NCSTN: variants seen among roughly 807,000 people sequenced by gnomAD.
The protein encoded by NCSTN is nicastrin, also known as anterior pharynx-defective 2.
NCSTN carries 22 observed loss-of-function variants against 87.0 expected under a neutral mutation model. That is an observed-to-expected ratio of 0.25 (90% CI 0.18 to 0.36). NCSTN has a LOEUF of 0.36. Ranked by LOEUF, NCSTN falls within the 10% of genes least tolerant of loss-of-function variation. NCSTN has a pLI of 1.00. For missense variants in NCSTN, 693 were observed against 883.3 expected (o/e 0.78, Z 2.73); for synonymous variants, 306 against 327.1 (o/e 0.94, Z 0.69).
At chr1:160,344,862 T>C (rs1374734088) in intron 2 of NCSTN, 36 bp downstream of exon 2, 1 of 1,536,258 alleles carries the variant, frequency 6.5e-7, no homozygotes, top group African/African-American at 1.4e-5. Context: ...TGGACATTGA[T>C]ATTTGTCTGT....
intron 1 of NCSTN, 159 bp downstream of exon 1, chr1:160,343,640 T>TTGCC: frequency 1.3e-6 from 1 of 788,040 alleles, no homozygotes; most frequent in South Asian, 1.5e-5. Flanking sequence ...AGTTCCCCCT[T>TTGCC]TGCCTGGACC....
chr1:160,351,972 A>G (rs1648874133), intron 7 of NCSTN, 82 bp from the exon 8 acceptor site: 14 of 1,560,524 alleles, frequency 9.0e-6, no homozygotes, highest in Admixed American at 3.3e-5. Flanking sequence ...GGACAGGTAT[A>G]TTCTCTTGAC....
intron 2 of NCSTN, among the ~76,000 whole-genome samples, chr1:160,347,223 TCTTA>T (rs1341909181): frequency 1.3e-5 from 2 of 152,332 alleles, no homozygotes; most frequent in African/African-American, 2.4e-5. Flanking sequence ...TATTTCCAAA[TCTTA>T]CTTCGTCATA....
intron 8 of NCSTN, among the ~76,000 whole-genome samples, chr1:160,352,467 C>T (rs754179622): frequency 2.6e-5 from 4 of 152,154 alleles, no homozygotes; most frequent in South Asian, 2.1e-4. Context: ...ATATTGGAGG[C>T]GGCCTTTTAC....
intron 1 of NCSTN, chr1:160,344,480 A>G: frequency 6.6e-7 from 1 of 1,521,728 alleles, no homozygotes; most frequent in East Asian, 2.5e-5. Flanking sequence ...TTTTAGTGTC[A>G]CTGTCAATGG....
At chr1:160,344,203 A>G (rs991764486) in intron 1 of NCSTN, among the ~76,000 whole-genome samples, 4 of 152,100 alleles carry the variant, frequency 2.6e-5, no homozygotes, top group African/African-American at 7.2e-5. Flanking sequence ...AGGATCCTCA[A>G]AGGAGAAACT....
intron 8 of NCSTN, among the ~76,000 whole-genome samples, chr1:160,352,413 G>A (rs1200888049): frequency 6.6e-6 from 1 of 152,154 alleles, no homozygotes; most frequent in Admixed American, 6.5e-5. Flanking sequence ...TTTACACCCT[G>A]AATTGGTATG....
chr1:160,351,622 G>T lies in NCSTN; in HGVS notation c.734-74G>T, dbSNP rs574750914. On this transcript the variant is annotated intron_variant, in intron 6 of 16. Coordinates refer to ENST00000294785, the MANE Select transcript of NCSTN (RefSeq NM_015331.3). Reference sequence around the variant, plus strand: ...TAGAGTCCGTGGGGCACTGGTCAGAGATTTCCAATGTTGCCTTTATAGCTA... The same window carrying T: ...TAGAGTCCGTGGGGCACTGGTCAGATATTTCCAATGTTGCCTTTATAGCTA... 289 of 1,407,168 alleles carry T rather than the reference G, an allele frequency of 2.1e-4. 1 individual carries two copies. The African/African-American group carries it at 3.7e-3, about 18-fold the overall frequency. The allele number at this position is 1,407,168 out of a possible 1,614,324, so 87.2% of individuals were successfully genotyped here. A position where few individuals can be genotyped will look rare whatever the true frequency, so the allele number is the denominator to read the frequency against.
rs755648833 is a variant in NCSTN at position 160,357,174 on chromosome 1, C to G, written c.1928C>G (p.Thr643Ser). 2 of 1,614,172 alleles carry G rather than the reference C, an allele frequency of 1.2e-6. No individual in the cohort carries two copies. Among genetic ancestry groups the G allele is most frequent in the Non-Finnish European group, 1.7e-6 (2 of 1,180,022 alleles). ...PAFELSQWSS[T>S]EYSTWTESRW... is the part of the protein sequence containing the mutation. ...TTTGAACTGAGTCAGTGGAGCTCTA[C>G]TGAATACTCTACATGGACTGAGAGC... The change falls in exon 16 of 17, where the codon ACT (threonine) becomes AGT (serine). Residue 643 changes from threonine (T) to serine (S), a missense_variant. Transcript: ENST00000294785.
At position 160,349,646 on chromosome 1, in the gene NCSTN, G is replaced by C. The variant is rs1165503118; in HGVS notation, c.412G>C (p.Val138Leu). ...PSPASGFSPS[V>L]QCPNDGFGVY... ...TCCTGCCTCAGGCTTCTCTCCTAGT[G>C]TACAGTGCCCAAATGATGGGTTTGG... The change falls in exon 4 of 17, where the codon GTA (valine) becomes CTA (leucine). Residue 138 changes from valine to leucine, a missense_variant. Transcript: ENST00000294785. 1.2e-6 allele frequency: 2 copies of C among 1,614,054 alleles called. No homozygotes were observed. The highest frequency in any genetic ancestry group is 1.7e-6 in the Non-Finnish European group (2 of 1,180,010).
Position 160,351,381 on chromosome 1 carries a change from G to T in NCSTN, c.733+9G>T, listed in dbSNP as rs746650569. 1 of 1,613,998 alleles carries T rather than the reference G, an allele frequency of 6.2e-7. No individual in the cohort carries two copies. The highest frequency in any genetic ancestry group is 1.3e-5 in the African/African-American group (1 of 75,044). On this transcript the variant is annotated intron_variant, in intron 6 of 16. Coordinates refer to ENST00000294785, the MANE Select transcript of NCSTN (RefSeq NM_015331.3). ...CTTCAGCATCAACCCAGGTAGGGCAGATCCGAACCATGAGGGTAATGGAAT... is the reference window on the plus strand; with the variant it reads ...CTTCAGCATCAACCCAGGTAGGGCATATCCGAACCATGAGGGTAATGGAAT...
chr1:160,351,887 A>G (rs1348494904), intron 7 of NCSTN, 82 bp downstream of exon 7: 3 of 1,480,570 alleles, frequency 2.0e-6, no homozygotes. Context: ...TCAGATTTCA[A>G]AGTTGCTAAA....
In NCSTN at chr1:160,358,096, G is replaced by T. The variant is rs184436791; in HGVS notation, c.2008-53G>T. 260 of 1,613,818 alleles carry T rather than the reference G, an allele frequency of 1.6e-4. 2 individuals are homozygous for T. The East Asian group carries it at 5.1e-3, about 31-fold the overall frequency. ...ACCCCAAACAGTTATCCAAAAAACT[G>T]CACTGAGTTCTGAGAATGCCTTTGT... On this transcript the variant is annotated intron_variant, in intron 16 of 16. Transcript: ENST00000294785.
intron 9 of NCSTN, 41 bp from the exon 10 acceptor site, chr1:160,353,119 G>A: frequency 6.2e-7 from 1 of 1,605,808 alleles, no homozygotes; most frequent in Non-Finnish European, 8.5e-7. Context: ...GCCCAGAACA[G>A]GAGACTGATT....
intron 10 of NCSTN, 135 bp from the exon 11 acceptor site, chr1:160,353,983 G>A: frequency 1.0e-6 from 1 of 975,856 alleles, no homozygotes; most frequent in East Asian, 2.6e-5. Flanking sequence ...AAAGGCTTGA[G>A]GGATAAAGGT....
At position 160,348,989 on chromosome 1, in the gene NCSTN, G is replaced by T. The variant is rs1179456637; in HGVS notation, c.191-10G>T. On this transcript the variant is annotated splice_polypyrimidine_tract_variant and intron_variant, in intron 2 of 16. Coordinates refer to ENST00000294785, the MANE Select transcript of NCSTN (RefSeq NM_015331.3). Reference sequence around the variant, plus strand: ...TGGGAGCTTTAATTTGACTCATTCTGTCCTGGCAGCTTCAATTAGTGGAGA... The same window carrying T: ...TGGGAGCTTTAATTTGACTCATTCTTTCCTGGCAGCTTCAATTAGTGGAGA... The T allele has an allele frequency of 6.2e-7, 1 of 1,614,048 alleles. No individual in the cohort carries two copies. Among genetic ancestry groups the T allele is most frequent in the Non-Finnish European group, 8.5e-7 (1 of 1,180,016 alleles).
chr1:160,348,914 G>C, intron 2 of NCSTN, 85 bp from the exon 3 acceptor site: 1 of 1,572,726 alleles, frequency 6.4e-7, no homozygotes, highest in Non-Finnish European at 8.7e-7. Context: ...ACATCTTTAG[G>C]GGATAAAAGA....
rs772037309 is a variant in NCSTN, at chr1:160,349,645, T to C, written c.411T>C (p.Ser137=). ...GTCCTGCCTCAGGCTTCTCTCCTAGTGTACAGTGCCCAAATGATGGGTTTG... is the reference window on the plus strand; with the variant it reads ...GTCCTGCCTCAGGCTTCTCTCCTAGCGTACAGTGCCCAAATGATGGGTTTG... The part of the protein sequence containing the change: ...KPSPASGFSP[S]VQCPNDGFGV... Residue 137 remains serine (S), a synonymous_variant, in exon 4 of 17, where the codon AGT becomes AGC. Transcript: ENST00000294785. 6.2e-7 allele frequency: 1 copy of C among 1,614,068 alleles called. No individual in the cohort carries two copies. Among genetic ancestry groups the C allele is most frequent in the South Asian group, 1.1e-5 (1 of 91,076 alleles).
rs775651944 is a variant in NCSTN at position 160,344,778 on chromosome 1, G to A, written c.142G>A (p.Ala48Thr). 6.2e-7 allele frequency: 1 copy of A among 1,614,106 alleles called. No individual in the cohort carries two copies. The highest frequency in any genetic ancestry group is 1.7e-5 in the Admixed American group (1 of 60,006). The change falls in exon 2 of 17, where the codon GCT becomes ACT. Residue 48 changes from alanine to threonine, a missense_variant. Transcript: ENST00000294785. ...RKIYIPLNKT[A>T]PCVRLLNATH... ...GATATATATCCCCTTAAATAAAACA[G>A]CTCCCTGTGTTCGCCTGCTCAACGC...
Sources: gnomAD v4.1 joint callset for allele counts (sites outside exome capture counted in the v4.1 genomes callset) on GRCh38, gnomAD v4.1.1 for gene constraint, MANE v1.5 for transcripts, NCBI Gene and HGNC (gene_info 2026-07-23, HGNC 2026-07-21) for gene names.